Variants in DCHS2 observed in about 807,000 individuals in gnomAD.
The protein encoded by DCHS2 is protocadherin-23.
In DCHS2, 142 loss-of-function variants were observed where a neutral mutation model predicts 182.4. That is an observed-to-expected ratio of 0.78 (90% CI 0.68 to 0.89). The LOEUF is 0.89. DCHS2 is among the 40% of genes least tolerant of loss of function. The probability of loss-of-function intolerance (pLI) is 0.00; values close to 1 mark genes in which losing one functional copy is unlikely to be tolerated. For missense variants in DCHS2, 4,319 were observed against 4,198.6 expected (o/e 1.03, Z -0.79); for synonymous variants, 1,740 against 1,663.3 (o/e 1.05, Z -1.12).
chr4:154,259,801 T>A, intron 14 of DCHS2, 45 bp from the exon 15 acceptor site: 2 of 1,509,474 alleles, frequency 1.3e-6, no homozygotes, highest in Non-Finnish European at 1.8e-6. Flanking sequence ...GATGTTGTAG[T>A]TATTCTTTTA....
chr4:154,277,775 T>C (rs1419150807), intron 13 of DCHS2, among the ~76,000 whole-genome samples: 4 of 152,186 alleles, frequency 2.6e-5, no homozygotes, highest in Non-Finnish European at 5.9e-5. Context: ...GTGCAGTGGT[T>C]CATGCCTATA....
At chr4:154,475,503 A>C (rs758053250) in intron 1 of DCHS2, among the ~76,000 whole-genome samples, 23 of 152,314 alleles carry the variant, frequency 1.5e-4, no homozygotes, top group Non-Finnish European at 2.8e-4. Flanking sequence ...ATCTTAAATT[A>C]GTTTTTCTCA....
chr4:154,490,627 C>T lies in DCHS2; in HGVS notation c.729G>A (p.Leu243=), dbSNP rs1176220964. 1.1e-5 allele frequency: 17 copies of T among 1,550,366 alleles called. No homozygotes were observed. The highest frequency in any genetic ancestry group is 1.7e-4 in the Middle Eastern group (1 of 6,012). ...GCAGCAGCACCAGATCTAGAGGCTC[C>T]AGGGGTGACGAGGAGCCTGGCAAAA... ...SPLLPGSSSP[L]EPLDLVLLRR... The change falls in exon 1 of 20, where the codon CTG becomes CTA. Residue 243 remains leucine (L), a synonymous_variant. Coordinates refer to ENST00000357232, the MANE Select transcript of DCHS2 (RefSeq NM_001358235.2).
At chr4:154,342,718 T>G (rs935636994) in intron 3 of DCHS2, among the ~76,000 whole-genome samples, 7 of 152,186 alleles carry the variant, frequency 4.6e-5, no homozygotes, top group African/African-American at 1.7e-4. Context: ...TCTTGCTATT[T>G]TTACCACTTC....
intron 13 of DCHS2, among the ~76,000 whole-genome samples, chr4:154,271,783 A>T (rs1028549294): frequency 6.6e-6 from 1 of 152,202 alleles, no homozygotes; most frequent in Admixed American, 6.6e-5. Flanking sequence ...TTTACATACA[A>T]TAATCTGTAC....
chr4:154,403,505 G>A (rs1262142368), intron 1 of DCHS2, among the ~76,000 whole-genome samples: 1 of 151,948 alleles, frequency 6.6e-6, no homozygotes, highest in Non-Finnish European at 1.5e-5. Flanking sequence ...ACTCCGCCTG[G>A]TTTTATGATC....
At chr4:154,426,786 T>TAAAAATAAAAATAAAAATAAAAATAAAAA (rs372748862) in intron 1 of DCHS2, among the ~76,000 whole-genome samples, 24 of 147,924 alleles carry the variant, frequency 1.6e-4, no homozygotes, top group Non-Finnish European at 3.1e-4. Flanking sequence ...AAAAATAAAC[T>TAAAAATAAAAATAAAAATAAAAATAAAAA]TAAAAATAAA....
At chr4:154,439,538 GCTC>G (rs2110952404) in intron 1 of DCHS2, among the ~76,000 whole-genome samples, 1 of 152,164 alleles carries the variant, frequency 6.6e-6, no homozygotes, top group African/African-American at 2.4e-5. Flanking sequence ...TCTTTTCCTA[GCTC>G]CTCTTTGATA....
rs1488427907 is a variant in DCHS2, at chr4:154,320,744, G to A, written c.4655C>T (p.Ser1552Phe). The A allele has an allele frequency of 6.2e-7, 1 of 1,613,932 alleles. No individual in the cohort carries two copies. Among genetic ancestry groups the A allele is most frequent in the African/African-American group, 1.3e-5 (1 of 74,886 alleles). ...AAATGGATTCGTGCCAGGGTTGTGG[G>A]ATTCAATGTAGTATTGTATTCTACT... ...LNSRIQYYIE[S>F]HNPGTNPFLI... is the part of the protein sequence containing the mutation. The change falls in exon 9 of 20, where the codon TCC (serine) becomes TTC (phenylalanine). Residue 1552 changes from serine to phenylalanine, a missense_variant. By Grantham distance (155) the Ser-to-Phe change is radical. Coordinates refer to ENST00000357232, the MANE Select transcript of DCHS2 (RefSeq NM_001358235.2).
intron 4 of DCHS2, chr4:154,333,898 C>T (rs552094663): frequency 4.8e-4 from 90 of 186,388 alleles, no homozygotes; most frequent in Non-Finnish European, 8.0e-4. Context: ...TCGTTAAGGA[C>T]GCATGATTGT....
intron 16 of DCHS2, among the ~76,000 whole-genome samples, chr4:154,250,816 T>A (rs747851144): frequency 6.6e-6 from 1 of 152,198 alleles, no homozygotes; most frequent in African/African-American, 2.4e-5. Context: ...GAAATAAAGA[T>A]ACAAACATTC....
intron 3 of DCHS2, among the ~76,000 whole-genome samples, chr4:154,346,537 A>G (rs532849127): frequency 2.2e-4 from 33 of 150,050 alleles, no homozygotes; most frequent in African/African-American, 6.8e-4. Context: ...GTCAACATAT[A>G]TAATTATTTT....
At chr4:154,416,847 G>T (rs955722211) in intron 1 of DCHS2, among the ~76,000 whole-genome samples, 4 of 152,102 alleles carry the variant, frequency 2.6e-5, no homozygotes, top group Non-Finnish European at 5.9e-5. Context: ...TAATCTTGGC[G>T]AACGTTCACA....
Position 154,320,498 on chromosome 4 carries a change from A to T in DCHS2, c.4901T>A (p.Val1634Glu), listed in dbSNP as rs1240056818. 2.5e-6 allele frequency: 4 copies of T among 1,614,130 alleles called. No individual in the cohort carries two copies. In the Admixed American group the frequency reaches 6.7e-5, roughly 27 times the overall value. ...AGTTATGTGGTGGACCAAGGAGCCCACTGTGACATCCTCTTTGACATGGGC... is the reference window on the plus strand; with the variant it reads ...AGTTATGTGGTGGACCAAGGAGCCCTCTGTGACATCCTCTTTGACATGGGC... ...PNAHVKEDVT[V>E]GSLVHHITAH... The change falls in exon 9 of 20, where the codon GTG (valine) becomes GAG (glutamate). Residue 1634 changes from valine to glutamate, a missense_variant. Val to Glu is a moderately radical substitution (Grantham distance 121, BLOSUM62 -2). Transcript: ENST00000357232.
chr4:154,323,321 T>C, intron 7 of DCHS2: 4 of 1,535,420 alleles, frequency 2.6e-6, no homozygotes, highest in Non-Finnish European at 1.8e-6. Context: ...TTCAGAGGCA[T>C]AGGTCTAGCT....
At chr4:154,407,128 G>C (rs1732432276) in intron 1 of DCHS2, among the ~76,000 whole-genome samples, 1 of 152,166 alleles carries the variant, frequency 6.6e-6, no homozygotes, top group African/African-American at 2.4e-5. Context: ...CATGAGGGAG[G>C]ACAGGATACA....
At chr4:154,259,819 TTTTA>T (rs1198221956) in intron 14 of DCHS2, 63 bp from the exon 15 acceptor site, 6 of 1,441,150 alleles carry the variant, frequency 4.2e-6, no homozygotes, top group Non-Finnish European at 5.5e-6. Context: ...TTATTTTTTA[TTTTA>T]TTTATTTATT....
At chr4:154,428,994 T>G (rs1382670368) in intron 1 of DCHS2, among the ~76,000 whole-genome samples, 1 of 149,244 alleles carries the variant, frequency 6.7e-6, no homozygotes, top group Admixed American at 6.7e-5. Flanking sequence ...AAAAAGGAGA[T>G]GAATGAAATT....
intron 3 of DCHS2, chr4:154,357,269 C>G (rs149265546): frequency 5.0e-6 from 8 of 1,613,502 alleles, no homozygotes; most frequent in Admixed American, 1.7e-5. Context: ...TCATTACTTC[C>G]TTGTCTGCTG....
Sources: allele counts gnomAD v4.1 joint callset (sites outside exome capture counted in the v4.1 genomes callset), GRCh38; gene constraint gnomAD v4.1.1; transcripts MANE v1.5; gene names NCBI Gene and HGNC (gene_info 2026-07-23, HGNC 2026-07-21).